Variants in RRBP1 observed in about 807,000 individuals in gnomAD.
RRBP1 encodes the protein ribosome binding protein 1, also known as ribosome-binding protein 1.
RRBP1 carries 94 observed loss-of-function variants against 165.2 expected under a neutral mutation model. The observed-to-expected ratio is 0.57, with a 90% CI of 0.48 to 0.68. The LOEUF (loss-of-function observed/expected upper bound fraction) is 0.68. Among genes scored for constraint, RRBP1 ranks in the 30% least tolerant of loss-of-function variants. The pLI, the probability that RRBP1 is intolerant of heterozygous loss-of-function variation, is 0.00. For missense variants in RRBP1, 1,676 were observed against 1,763.0 expected (o/e 0.95, Z 0.88); for synonymous variants, 680 against 714.5 (o/e 0.95, Z 0.77).
chr20:17,623,896 CA>C (rs1291738312), intron 13 of RRBP1, among the ~76,000 whole-genome samples: 4 of 151,674 alleles, frequency 2.6e-5, no homozygotes, highest in African/African-American at 4.8e-5. Context: ...CACGCCACTG[CA>C]CTCCAGCCTG....
chr20:17,659,181 C>T lies in RRBP1; in HGVS notation c.1327G>A (p.Glu443Lys). 1.0e-6 allele frequency: 1 copy of T among 966,250 alleles called. No homozygotes were observed. The highest frequency in any genetic ancestry group is 1.6e-6 in the Non-Finnish European group (1 of 638,066). 59.9% of individuals were successfully genotyped at this position (966,250 alleles called of 1,614,324 possible). ...EGAQNQGKKA[E>K]GAQNQGKKAE... is the part of the protein sequence containing the mutation. Reference sequence around the variant, plus strand: ...TTCTTGCCCTGGTTCTGGGCCCCCTCGGCCTTCTTGCCCTGGTTCTGGGCC... The same window carrying T: ...TTCTTGCCCTGGTTCTGGGCCCCCTTGGCCTTCTTGCCCTGGTTCTGGGCC... The change falls in exon 3 of 25, where the codon GAG becomes AAG. Residue 443 changes from glutamate to lysine, a missense_variant. Physicochemically the swap from Glu to Lys is moderately conservative, Grantham distance 56. Around this residue, in one of 5 missense-constraint regions of RRBP1, gnomAD observed 4 missense variants for 59.0 expected, o/e 0.07. Transcript: ENST00000377813.
chr20:17,673,014 G>T (rs1196845453), intron 2 of RRBP1, among the ~76,000 whole-genome samples: 2 of 152,348 alleles, frequency 1.3e-5, no homozygotes, highest in East Asian at 3.9e-4. Flanking sequence ...GGAGGTTGGG[G>T]AGGTCAGGAA....
chr20:17,624,278 A>G (rs1600730101), intron 13 of RRBP1, among the ~76,000 whole-genome samples: 2 of 152,210 alleles, frequency 1.3e-5, no homozygotes, highest in African/African-American at 2.4e-5. Flanking sequence ...CTCTGTGCGC[A>G]CTTAGTGCAC....
At chr20:17,616,955 C>G in intron 20 of RRBP1, 116 bp from the exon 21 acceptor site, 1 of 865,208 alleles carries the variant, frequency 1.2e-6, no homozygotes, top group Non-Finnish European at 1.9e-6. Flanking sequence ...AAAGTCCCTT[C>G]AGGGGACCTG....
intron 2 of RRBP1, among the ~76,000 whole-genome samples, chr20:17,678,953 C>T (rs1412036533): frequency 6.6e-6 from 1 of 152,184 alleles, no homozygotes; most frequent in South Asian, 2.1e-4. Context: ...ACCTTCCTGC[C>T]ACTGAAGCTC....
At chr20:17,625,345 G>A (rs2035996054) in intron 12 of RRBP1, among the ~76,000 whole-genome samples, 167 bp downstream of exon 12, 1 of 152,074 alleles carries the variant, frequency 6.6e-6, no homozygotes, top group Non-Finnish European at 1.5e-5. Context: ...ACTCAGGGGT[G>A]AGTAGAAGCA....
At position 17,659,955 on chromosome 20, in the gene RRBP1, C is replaced by A; in HGVS notation, c.553G>T (p.Val185Leu). ...KEVPMVVVPP[V>L]GAKGNTPATG... ...GCTGGTGTGTTGCCCTTGGCACCCA[C>A]TGGGGGCACCACCACCATCGGCACC... Residue 185 changes from valine (V) to leucine (L), a missense_variant, in exon 3 of 25, where the codon GTG becomes TTG. Physicochemically the swap from Val to Leu is conservative, Grantham distance 32. Transcript: ENST00000377813. 6.3e-7 allele frequency: 1 copy of A among 1,599,574 alleles called. No homozygotes were observed.
intron 11 of RRBP1, 109 bp downstream of exon 11, chr20:17,627,239 C>A: frequency 4.7e-6 from 5 of 1,071,418 alleles, no homozygotes; most frequent in Middle Eastern, 3.2e-4. Flanking sequence ...CTGAAAGGGG[C>A]TCTTCTGCAG....
intron 3 of RRBP1, among the ~76,000 whole-genome samples, chr20:17,655,152 A>G (rs991447719): frequency 2.0e-5 from 3 of 152,144 alleles, no homozygotes; most frequent in African/African-American, 7.2e-5. Flanking sequence ...CACAAACACA[A>G]GATCTAGGGT....
Position 17,635,564 on chromosome 20 carries a change from G to C in RRBP1, c.2438C>G (p.Thr813Arg). ...AGCTTACTTGCTCTCCACCTGGCTC[G>C]TGGCCTGGTTCAAGGCATCCCGCAG... is the stretch of plus-strand genomic sequence containing the variant. ...SILRDALNQATSQVESKQNAE... is the reference protein window; with the variant it reads ...SILRDALNQARSQVESKQNAE... Residue 813 changes from threonine (T) to arginine (R), a missense_variant, in exon 7 of 25, where the codon ACG becomes AGG. Physicochemically the swap from Thr to Arg is moderately conservative, Grantham distance 71. This residue lies in a region of RRBP1 where 1,184 missense variants were observed against 1,167.1 expected (regional missense o/e 1.01). Transcript: ENST00000377813. The C allele has an allele frequency of 6.2e-7, 1 of 1,611,426 alleles. No homozygotes were observed. The highest frequency in any genetic ancestry group is 1.7e-5 in the Admixed American group (1 of 59,716).
chr20:17,633,771 G>A (rs922152488), intron 7 of RRBP1, among the ~76,000 whole-genome samples, 158 bp from the exon 8 acceptor site: 11 of 152,250 alleles, frequency 7.2e-5, no homozygotes, highest in African/African-American at 1.9e-4. Flanking sequence ...GCTGTGTGGG[G>A]TTGGGCATGT....
At chr20:17,649,210 T>G (rs1046326352) in intron 3 of RRBP1, among the ~76,000 whole-genome samples, 3 of 152,038 alleles carry the variant, frequency 2.0e-5, no homozygotes, top group African/African-American at 7.2e-5. Flanking sequence ...AGAAACTGAG[T>G]TAGGTTCAAA....
At chr20:17,627,314 T>C (rs1361147128) in intron 11 of RRBP1, 34 bp downstream of exon 11, 7 of 1,610,514 alleles carry the variant, frequency 4.3e-6, no homozygotes, top group Admixed American at 1.7e-5. Flanking sequence ...GGGCTGAGGC[T>C]CAAGTGAGCA....
intron 3 of RRBP1, among the ~76,000 whole-genome samples, chr20:17,646,351 G>A (rs544905272): frequency 1.3e-5 from 2 of 152,288 alleles, no homozygotes; most frequent in African/African-American, 4.8e-5. Flanking sequence ...AAACACATCC[G>A]TGGGCCACGT....
rs572608117 is a variant in RRBP1, at chr20:17,635,664, T to C, written c.2338A>G (p.Ile780Val). ...VKEVQQLQGK[I>V]RTLQEQLENG... ...TCCAGCTGCTCCTGAAGAGTCCGGA[T>C]CTGGAAAGTCACGGGCAAGGGCATC... The change falls in exon 7 of 25, where the codon ATC becomes GTC. Residue 780 changes from isoleucine to valine, a missense_variant and splice_region_variant. Around this residue, in one of 5 missense-constraint regions of RRBP1, gnomAD observed 1,184 missense variants for 1,167.1 expected, o/e 1.01. Transcript: ENST00000377813. 5.0e-6 allele frequency: 8 copies of C among 1,612,628 alleles called. No individual in the cohort carries two copies. In the African/African-American group the frequency reaches 1.1e-4, roughly 21 times the overall value.
At chr20:17,649,643 A>G (rs1205310587) in intron 3 of RRBP1, among the ~76,000 whole-genome samples, 1 of 152,034 alleles carries the variant, frequency 6.6e-6, no homozygotes, top group Non-Finnish European at 1.5e-5. Context: ...ACGAAGTCAA[A>G]TTGTTTAAGG....
chr20:17,636,352 T>C lies in RRBP1; in HGVS notation c.2337+225A>G, dbSNP rs552031064. 2.0e-5 allele frequency among the ~76,000 whole-genome samples: 3 copies of C among 152,366 alleles called. No individual in the cohort carries two copies. In the East Asian group the frequency reaches 5.8e-4, roughly 29 times the overall value. ...AAAGTGTTCTTTAAAATGTATTTCA[T>C]ACCTCCCTGGCTTTTAACATTATAC... On this transcript the variant is annotated intron_variant, in intron 6 of 24. Transcript: ENST00000377813.
chr20:17,678,359 T>C (rs2037120433), intron 2 of RRBP1, among the ~76,000 whole-genome samples: 1 of 152,244 alleles, frequency 6.6e-6, no homozygotes, highest in African/African-American at 2.4e-5. Flanking sequence ...CTGAGGGCAT[T>C]GGGTAAAAAA....
At chr20:17,615,065 G>T (rs979651004) in intron 23 of RRBP1, among the ~76,000 whole-genome samples, 185 bp from the exon 24 acceptor site, 14 of 152,200 alleles carry the variant, frequency 9.2e-5, no homozygotes, top group African/African-American at 3.1e-4. Context: ...CGTGAGGGCT[G>T]GGTCCTGTGC....
Sources: allele counts gnomAD v4.1 joint callset (sites outside exome capture counted in the v4.1 genomes callset), GRCh38; gene constraint gnomAD v4.1.1; regional missense constraint gnomAD v4.1.1; transcripts MANE v1.5; gene names NCBI Gene and HGNC (gene_info 2026-07-23, HGNC 2026-07-21).